FBXO10: variants seen among roughly 807,000 people sequenced by gnomAD.
FBXO10 encodes F-box only protein 10.
In FBXO10, 39 loss-of-function variants were observed where a neutral mutation model predicts 80.7. The ratio of observed to expected loss-of-function variants is 0.48; its 90% CI spans 0.37 to 0.63. FBXO10 has a LOEUF of 0.63. FBXO10 is among the 30% of genes least tolerant of loss of function. The probability of loss-of-function intolerance (pLI) is 0.00; values close to 1 mark genes in which losing one functional copy is unlikely to be tolerated. For synonymous variants in FBXO10, 449 were observed against 489.6 expected, an observed-to-expected ratio of 0.92 and a Z score of 1.09; for missense variants, 1,025 against 1,269.0, an observed-to-expected ratio of 0.81 and a Z score of 2.92.
intron 1 of FBXO10, among the ~76,000 whole-genome samples, chr9:37,572,540 G>A (rs926637111): frequency 1.3e-5 from 2 of 152,050 alleles, no homozygotes; most frequent in African/African-American, 4.8e-5. Context: ...AACAAGTTGA[G>A]CAAAAGAAGC....
intron 1 of FBXO10, among the ~76,000 whole-genome samples, chr9:37,549,671 T>C (rs981216318): frequency 6.6e-6 from 1 of 152,250 alleles, no homozygotes; most frequent in Non-Finnish European, 1.5e-5. Context: ...TTGAAAACCC[T>C]GACTCATCTG....
At chr9:37,547,554 T>A (rs1042230529) in intron 1 of FBXO10, among the ~76,000 whole-genome samples, 2 of 152,108 alleles carry the variant, frequency 1.3e-5, no homozygotes, top group African/African-American at 2.4e-5. Flanking sequence ...AAAGCTGCAG[T>A]GAAACATGAT....
At chr9:37,539,322 A>G (rs4242642) in intron 2 of FBXO10, among the ~76,000 whole-genome samples, 119,098 of 152,188 alleles carry the variant, frequency 0.78, 46,895 homozygotes, top group Middle Eastern at 0.88. Flanking sequence ...GGTTCTCCTT[A>G]GAAGTCACTG....
chr9:37,551,207 G>A (rs991939885), intron 1 of FBXO10, among the ~76,000 whole-genome samples: 7 of 152,204 alleles, frequency 4.6e-5, no homozygotes, highest in Non-Finnish European at 8.8e-5. Flanking sequence ...TGGACACAAC[G>A]TGTTGGGGGC....
intron 1 of FBXO10, among the ~76,000 whole-genome samples, chr9:37,575,865 A>C (rs190706877): frequency 6.6e-6 from 1 of 152,276 alleles, no homozygotes; most frequent in Admixed American, 6.5e-5. Context: ...CCCAAGAGTC[A>C]GCTTCTTCTT....
intron 8 of FBXO10, among the ~76,000 whole-genome samples, chr9:37,520,272 AT>A (rs1452481946): frequency 4.5e-5 from 5 of 110,036 alleles, no homozygotes; most frequent in Non-Finnish European, 3.7e-5. Context: ...CACAGTAATT[AT>A]TTTTTTTTAA....
chr9:37,554,927 C>T (rs868381965), intron 1 of FBXO10, among the ~76,000 whole-genome samples: 8 of 152,204 alleles, frequency 5.3e-5, no homozygotes, highest in Middle Eastern at 6.8e-3. Flanking sequence ...TTTGTGGACA[C>T]GTTTTAATTT....
chr9:37,539,246 A>G (rs1451795346), intron 2 of FBXO10, among the ~76,000 whole-genome samples: 1 of 152,114 alleles, frequency 6.6e-6, no homozygotes, highest in Admixed American at 6.6e-5. Flanking sequence ...TTTCCTTGCT[A>G]TTTAAATCCA....
At chr9:37,524,931 TGTAA>T (rs980390664) in intron 6 of FBXO10, among the ~76,000 whole-genome samples, 167 bp downstream of exon 6, 1 of 152,194 alleles carries the variant, frequency 6.6e-6, no homozygotes, top group African/African-American at 2.4e-5. Context: ...TAGGCCCTCC[TGTAA>T]GAAGCACAGC....
chr9:37,520,643 C>A (rs1031442797), intron 8 of FBXO10, among the ~76,000 whole-genome samples: 12 of 150,704 alleles, frequency 8.0e-5, no homozygotes, highest in Non-Finnish European at 1.6e-4. Flanking sequence ...GGATTACAGG[C>A]TTGATCCCTG....
intron 7 of FBXO10, chr9:37,522,595 G>A: frequency 7.7e-7 from 1 of 1,291,890 alleles, no homozygotes; most frequent in Non-Finnish European, 1.0e-6. Context: ...TATTTTAAAA[G>A]GGGATAAAGC....
rs746310352 is a variant in FBXO10 at position 37,555,407 on chromosome 9, CTT to C, written c.-6-13635_-6-13634del. 1.3e-4 allele frequency among the ~76,000 whole-genome samples: 20 copies of C among 151,242 alleles called. 1 individual carries two copies. The highest frequency in any genetic ancestry group is 8.6e-4 in the Admixed American group (13 of 15,178). ...TTTTTTTTTCAGACGGAGTTTTGCT[CTT>C]GTCATCCTGGCTGAAGCCCAGTGGT... is the stretch of plus-strand genomic sequence containing the variant. On this transcript the variant is annotated intron_variant, in intron 1 of 10. Transcript: ENST00000432825.
At chr9:37,532,405 A>G (rs1194282270) in intron 3 of FBXO10, among the ~76,000 whole-genome samples, 1 of 148,440 alleles carries the variant, frequency 6.7e-6, no homozygotes, top group Non-Finnish European at 1.5e-5. Context: ...GGCTCACGTG[A>G]TCCTCCCACC....
intron 9 of FBXO10, among the ~76,000 whole-genome samples, chr9:37,517,086 A>G (rs534906460): frequency 6.6e-6 from 1 of 152,174 alleles, no homozygotes; most frequent in East Asian, 1.9e-4. Flanking sequence ...ATTCTAAGAG[A>G]AGTAACTCAG....
chr9:37,532,049 G>A lies in FBXO10; in HGVS notation c.1429C>T (p.Leu477Phe). Residue 477 changes from leucine to phenylalanine, a missense_variant, in exon 4 of 11, where the codon CTC (leucine) becomes TTC (phenylalanine). This residue lies in a region of FBXO10 where 478 missense variants were observed against 667.8 expected (regional missense o/e 0.72). Coordinates refer to ENST00000432825, the MANE Select transcript of FBXO10 (RefSeq NM_012166.3). Reference protein sequence around the residue: ...RCIHNSKIIMLRNDIYRCRAS... With the variant: ...RCIHNSKIIMFRNDIYRCRAS... ...CGGCAGCGGTAAATGTCGTTCCTGAGCATGATGATCTAAGCAGAAAAGAGA... is the reference window on the plus strand; with the variant it reads ...CGGCAGCGGTAAATGTCGTTCCTGAACATGATGATCTAAGCAGAAAAGAGA... The A allele has an allele frequency of 6.2e-7, 1 of 1,613,454 alleles. No homozygotes were observed. Among genetic ancestry groups the A allele is most frequent in the East Asian group, 2.2e-5 (1 of 44,866 alleles).
At chr9:37,557,814 T>C (rs187934509) in intron 1 of FBXO10, among the ~76,000 whole-genome samples, 1 of 152,334 alleles carries the variant, frequency 6.6e-6, no homozygotes, top group Non-Finnish European at 1.5e-5. Flanking sequence ...GGTTTCATTT[T>C]TTTCCTTATT....
At chr9:37,562,978 C>G (rs1822516472) in intron 1 of FBXO10, among the ~76,000 whole-genome samples, 1 of 146,398 alleles carries the variant, frequency 6.8e-6, no homozygotes, top group South Asian at 2.1e-4. Context: ...TTGGCTGTGT[C>G]CCCACCCAAA....
At chr9:37,522,781 T>C (rs1416342348) in intron 7 of FBXO10, 44 bp downstream of exon 7, 6 of 1,548,254 alleles carry the variant, frequency 3.9e-6, no homozygotes, top group South Asian at 1.2e-5. Flanking sequence ...AGATGGAACC[T>C]GGGCTTCCTG....
rs760227299 is a variant in FBXO10 at position 37,518,366 on chromosome 9, C to T, written c.2273G>A (p.Arg758Lys). The change falls in exon 9 of 11, where the codon AGA becomes AAA. Residue 758 changes from arginine to lysine, a missense_variant. By Grantham distance (26) the Arg-to-Lys change is conservative. Coordinates refer to ENST00000432825, the MANE Select transcript of FBXO10 (RefSeq NM_012166.3). The stretch of plus-strand genomic sequence containing the variant: ...GCTGCTCTGGGCCACAGTAATGCCT[C>T]TGTCCCCATTCGCGTGGATCACATT... ...ITNVIHANGD[R>K]GITVAQSSQP... 1 of 1,613,992 alleles carries T rather than the reference C, an allele frequency of 6.2e-7. No individual in the cohort carries two copies. Among genetic ancestry groups the T allele is most frequent in the Non-Finnish European group, 8.5e-7 (1 of 1,179,878 alleles).
Sources: allele counts gnomAD v4.1 joint callset (sites outside exome capture counted in the v4.1 genomes callset), GRCh38; gene constraint gnomAD v4.1.1; regional missense constraint gnomAD v4.1.1; transcripts MANE v1.5; gene names NCBI Gene and HGNC (gene_info 2026-07-23, HGNC 2026-07-21).